Variants in GGACT observed in about 807,000 individuals in gnomAD.
The protein encoded by GGACT is gamma-glutamylaminecyclotransferase.
For missense variants in GGACT, 241 were observed against 233.2 expected, an observed-to-expected ratio of 1.03 and a Z score of -0.22; for synonymous variants, 118 against 115.3, an observed-to-expected ratio of 1.02 and a Z score of -0.15.
chr13:100,581,460 C>T (rs777004909), intron 2 of GGACT, among the ~76,000 whole-genome samples: 15 of 152,200 alleles, frequency 9.9e-5, no homozygotes, highest in Non-Finnish European at 1.8e-4. Context: ...GCAGGAACAA[C>T]TGGAGAACAA....
At chr13:100,547,756 TC>T (rs2088621656) in intron 2 of GGACT, among the ~76,000 whole-genome samples, 1 of 152,138 alleles carries the variant, frequency 6.6e-6, no homozygotes, top group Non-Finnish European at 1.5e-5. Flanking sequence ...GGCAGCAGGG[TC>T]AAGGTCGAGC....
At chr13:100,577,277 G>C (rs796559734) in intron 2 of GGACT, among the ~76,000 whole-genome samples, 2 of 151,992 alleles carry the variant, frequency 1.3e-5, no homozygotes, top group Non-Finnish European at 2.9e-5. Flanking sequence ...TTAGCCAGGC[G>C]TGGTGGTGGG....
intron 2 of GGACT, among the ~76,000 whole-genome samples, chr13:100,578,509 C>T (rs1325026152): frequency 1.3e-5 from 2 of 152,180 alleles, no homozygotes; most frequent in African/African-American, 2.4e-5. Flanking sequence ...TCTTAAGCCC[C>T]GGAACCCTGG....
intron 2 of GGACT, among the ~76,000 whole-genome samples, chr13:100,563,984 G>A (rs1213732110): frequency 1.3e-5 from 2 of 152,196 alleles, no homozygotes; most frequent in African/African-American, 2.4e-5. Context: ...GGGACTGGGT[G>A]GAGGGAAGCC....
In GGACT at chr13:100,557,971, G is replaced by A. The variant is rs546968744; in HGVS notation, c.-10-25370C>T. Among the ~76,000 whole-genome samples the A allele has an allele frequency of 7.2e-5, 11 of 151,972 alleles. No homozygotes were observed. In the South Asian group the frequency reaches 1.9e-3, roughly 26 times the overall value. On this transcript the variant is annotated intron_variant, in intron 2 of 2. Transcript: ENST00000683975. ...GGCCGAGGCGGGCGGATCACCTGTC[G>A]GGAGTTTGAGACCAGCCTGACCAAC...
At chr13:100,561,656 T>C (rs2153015260) in intron 2 of GGACT, among the ~76,000 whole-genome samples, 1 of 152,330 alleles carries the variant, frequency 6.6e-6, no homozygotes, top group South Asian at 2.1e-4. Context: ...TCAGAAGATG[T>C]GTGCAGCAGA....
At position 100,532,217 on chromosome 13, in the gene GGACT, C is replaced by G; in HGVS notation, c.375G>C (p.Pro125=). 6.7e-7 allele frequency: 1 copy of G among 1,483,498 alleles called. No individual in the cohort carries two copies. Among genetic ancestry groups the G allele is most frequent in the Non-Finnish European group, 9.0e-7 (1 of 1,109,814 alleles). 91.9% of individuals were successfully genotyped at this position (1,483,498 alleles called of 1,614,324 possible). A position where few individuals can be genotyped will look rare whatever the true frequency, so the allele number is the denominator to read the frequency against. ...GGTGCGGGAGCTGGGCCCACTCCGG[C>G]GGGAAGGTGGCCCTGCTGTACACGA... The part of the protein sequence containing the change: ...QCFVYSRATF[P]PEWAQLPHHD... Residue 125 remains proline, a synonymous_variant, in exon 3 of 3, where the codon CCG becomes CCC. Coordinates refer to ENST00000683975, the MANE Select transcript of GGACT (RefSeq NM_001195087.2).
chr13:100,571,832 C>T (rs1192124768), intron 2 of GGACT, among the ~76,000 whole-genome samples: 4 of 152,168 alleles, frequency 2.6e-5, no homozygotes, highest in Non-Finnish European at 4.4e-5. Flanking sequence ...ATAATTCTTA[C>T]TCCCTCTGAG....
intron 2 of GGACT, chr13:100,538,194 C>T (rs1013813260): frequency 1.3e-5 from 2 of 152,190 alleles, no homozygotes; most frequent in African/African-American, 4.8e-5. Flanking sequence ...GCAGCAGGAA[C>T]TGAGCCTGGG....
chr13:100,546,012 A>G (rs998545654), intron 2 of GGACT, among the ~76,000 whole-genome samples: 10 of 152,196 alleles, frequency 6.6e-5, no homozygotes, highest in Non-Finnish European at 1.3e-4. Flanking sequence ...GACAGTGTTG[A>G]TAGAATATGT....
intron 2 of GGACT, among the ~76,000 whole-genome samples, chr13:100,561,797 G>A (rs1037120422): frequency 6.6e-6 from 1 of 152,206 alleles, no homozygotes; most frequent in African/African-American, 2.4e-5. Context: ...GCAAATGACT[G>A]AACCTCTCAT....
intron 1 of GGACT, among the ~76,000 whole-genome samples, chr13:100,587,681 T>C (rs1875620858): frequency 6.6e-6 from 1 of 152,250 alleles, no homozygotes; most frequent in Admixed American, 6.5e-5. Context: ...CTTTAGTTTT[T>C]CATTAATCAT....
intron 2 of GGACT, among the ~76,000 whole-genome samples, chr13:100,551,283 C>CA (rs1221543931): frequency 1.8e-3 from 247 of 136,738 alleles, no homozygotes; most frequent in Middle Eastern, 7.4e-3. Context: ...GACTCTGTCT[C>CA]AAAAAAAAAA....
intron 2 of GGACT, among the ~76,000 whole-genome samples, chr13:100,550,333 CACACACACACACA>C (rs2088648876): frequency 7.4e-6 from 1 of 135,226 alleles, no homozygotes; most frequent in African/African-American, 2.8e-5. Flanking sequence ...CACACACACA[CACACACACACACA>C]CACACACACC....
chr13:100,586,320 G>T (rs908160158), intron 1 of GGACT, among the ~76,000 whole-genome samples: 1 of 152,128 alleles, frequency 6.6e-6, no homozygotes. Context: ...CAAGACTTGT[G>T]AAGTCCATTT....
intron 2 of GGACT, among the ~76,000 whole-genome samples, chr13:100,565,730 T>C (rs1327945304): frequency 3.3e-5 from 5 of 152,152 alleles, no homozygotes; most frequent in Admixed American, 2.6e-4. Context: ...CCAACATGCA[T>C]GCCTGGATGT....
rs71439666 is a variant in GGACT at position 100,585,360 on chromosome 13, C to T, written c.-183-1363G>A. ...CATTTACTATCACCCCTGGCTACTT[C>T]TGCATGACGATGGCAGAGCTGAGCA... is the stretch of plus-strand genomic sequence containing the variant. On this transcript the variant is annotated intron_variant, in intron 1 of 2. Transcript: ENST00000683975. Among the ~76,000 whole-genome samples, 26 of 152,334 alleles carry T rather than the reference C, an allele frequency of 1.7e-4. 2 individuals are homozygous for T. The East Asian group carries it at 5.0e-3, about 29-fold the overall frequency.
chr13:100,575,927 C>G (rs1405221692), intron 2 of GGACT, among the ~76,000 whole-genome samples: 1 of 152,170 alleles, frequency 6.6e-6, no homozygotes. Context: ...CTACTAGTTA[C>G]TACTACTAAT....
intron 2 of GGACT, among the ~76,000 whole-genome samples, chr13:100,556,281 G>A (rs763924658): frequency 3.9e-5 from 6 of 152,188 alleles, no homozygotes; most frequent in Non-Finnish European, 8.8e-5. Context: ...AAGGTTTTAG[G>A]ATATAAGGCC....
Sources: allele counts gnomAD v4.1 joint callset (sites outside exome capture counted in the v4.1 genomes callset), GRCh38; gene constraint gnomAD v4.1.1; transcripts MANE v1.5; gene names NCBI Gene and HGNC (gene_info 2026-07-23, HGNC 2026-07-21).